MAD2L2: variants seen among roughly 807,000 people sequenced by gnomAD.
The protein encoded by MAD2L2 is mitotic spindle assembly checkpoint protein MAD2B.
A neutral mutation model predicts 30.5 loss-of-function variants in MAD2L2; 17 were observed. That is an observed-to-expected ratio of 0.56 (90% confidence interval 0.38 to 0.84). The LOEUF is 0.84. Among genes scored for constraint, MAD2L2 ranks in the 40% least tolerant of loss-of-function variants. MAD2L2 has a pLI of 0.00. For synonymous variants in MAD2L2, 101 were observed against 113.9 expected (o/e 0.89, Z 0.72); for missense variants, 213 against 277.4 (o/e 0.77, Z 1.65).
exon 1 of MAD2L2, chr1:11,691,599 G>A (rs940952649): frequency 1.3e-5 from 2 of 151,214 alleles, no homozygotes; most frequent in Admixed American, 6.6e-5. Flanking sequence ...CCCGGCCCCG[G>A]GGCTGCCCCT....
intron 4 of MAD2L2, 84 bp from the exon 5 acceptor site, chr1:11,677,032 G>A: frequency 9.2e-7 from 1 of 1,088,872 alleles, no homozygotes. Context: ...GCCCAAGGAA[G>A]GAGGAGAAAC....
rs964048027 is a variant in MAD2L2, at chr1:11,690,221, ATGT to A, written c.-692+1189_-692+1191del. ...TCCATGGGGGCAGGGATTCTTGTCC[ATGT>A]TGTTTACTACTGTACCTCCGGTGCC... On this transcript the variant is annotated intron_variant, in intron 1 of 10. Coordinates refer to the MAD2L2 transcript ENST00000235310. The surrounding 1 kb of genome is among the most constrained non-coding windows in gnomAD (Gnocchi z 4.2). Among the ~76,000 whole-genome samples, 32 of 152,132 alleles carry A rather than the reference ATGT, an allele frequency of 2.1e-4. No individual in the cohort carries two copies. The highest frequency in any genetic ancestry group is 7.0e-4 in the African/African-American group (29 of 41,500).
intron 3 of MAD2L2, among the ~76,000 whole-genome samples, chr1:11,680,055 G>A (rs1032540681): frequency 7.1e-6 from 1 of 140,840 alleles, no homozygotes; most frequent in African/African-American, 2.7e-5. Context: ...GAATGCAGTG[G>A]CACAATTTCG....
rs1334769401 is a variant in MAD2L2 at position 11,676,940 on chromosome 1, C to T, written c.240G>A (p.Val80=). ...CCAAAATCACCACCACCACTTTCTC[C>T]ACATCATTCTGCAAAGAGAGGAACC... The part of the protein sequence containing the change: ...CVKPLLEKND[V]EKVVVVILDK... The change falls in exon 5 of 9, where the codon GTG becomes GTA. Residue 80 remains valine (V), a synonymous_variant. Coordinates refer to ENST00000376692, the MANE Select transcript of MAD2L2 (RefSeq NM_006341.4). The T allele has an allele frequency of 6.2e-7, 1 of 1,613,854 alleles. No individual in the cohort carries two copies. Among genetic ancestry groups the T allele is most frequent in the South Asian group, 1.1e-5 (1 of 91,066 alleles).
chr1:11,677,546 C>T lies in MAD2L2; in HGVS notation c.228G>A (p.Glu76=), dbSNP rs746167583. The T allele has an allele frequency of 1.9e-6, 3 of 1,613,838 alleles. No individual in the cohort carries two copies. Among genetic ancestry groups the T allele is most frequent in the African/African-American group, 2.7e-5 (2 of 74,954 alleles). ...GGGGAGCCCAGTGCACCCTCACCTT[C>T]TCCAGGAGTGGCTTGACGCAGTGCA... ...DTLHCVKPLL[E]KNDVEKVVVV... The change falls in exon 4 of 9, where the codon GAG becomes GAA. Residue 76 remains glutamate (E), a synonymous_variant. Coordinates refer to ENST00000376692, the MANE Select transcript of MAD2L2 (RefSeq NM_006341.4).
chr1:11,691,119 C>T (rs1052017373), intron 1 of MAD2L2, among the ~76,000 whole-genome samples: 3 of 152,212 alleles, frequency 2.0e-5, no homozygotes, highest in African/African-American at 7.2e-5. Flanking sequence ...TGCGCACTTT[C>T]TGCGGCTACA....
upstream of MAD2L2, among the ~76,000 whole-genome samples, chr1:11,684,839 C>T (rs1398236540): frequency 1.3e-5 from 2 of 152,094 alleles, no homozygotes. Flanking sequence ...AGGGGCCCAT[C>T]CAGTTGCAAT....
intron 1 of MAD2L2, among the ~76,000 whole-genome samples, chr1:11,689,538 G>C (rs1641023812): frequency 1.3e-5 from 2 of 152,106 alleles, no homozygotes; most frequent in South Asian, 2.1e-4. Flanking sequence ...GGAGGTTGCA[G>C]TGAGCTGAGA....
At chr1:11,675,577 C>G in intron 7 of MAD2L2, 81 bp downstream of exon 7, 1 of 1,389,582 alleles carries the variant, frequency 7.2e-7, no homozygotes, top group Non-Finnish European at 1.0e-6. Context: ...TGGCTGGCCA[C>G]AGGCAGTGCC....
intron 7 of MAD2L2, 123 bp downstream of exon 7, chr1:11,675,535 G>A (rs1640748012): frequency 2.1e-6 from 2 of 945,100 alleles, no homozygotes. Flanking sequence ...GGACCTGCTG[G>A]GTGCCAGGCG....
chr1:11,689,756 A>G lies in MAD2L2; in HGVS notation c.-692+1657T>C, dbSNP rs1311665244. Among the ~76,000 whole-genome samples, 6 of 152,082 alleles carry G rather than the reference A, an allele frequency of 3.9e-5. No individual in the cohort carries two copies. In the South Asian group the frequency reaches 1.2e-3, roughly 32 times the overall value. On this transcript the variant is annotated intron_variant, in intron 1 of 10. Coordinates refer to the MAD2L2 transcript ENST00000235310. ...TTTTATTCCTCTACTGTCTTAATAA[A>G]CTTTTTACTCTATGGACTCGCCCTG...
rs1269566240 is a variant in MAD2L2 at position 11,676,091 on chromosome 1, G to A, written c.382C>T (p.Leu128=). ...HVEQLLRAFI[L]KISVCDAVLD... is the part of the protein sequence containing the mutation. Reference sequence around the variant, plus strand: ...ACGGCATCGCACACGCTGATCTTCAGGATGAAGGCCCGGAGCAGCTGCTCC... The same window carrying A: ...ACGGCATCGCACACGCTGATCTTCAAGATGAAGGCCCGGAGCAGCTGCTCC... The change falls in exon 6 of 9, where the codon CTG becomes TTG. Residue 128 remains leucine (L), a synonymous_variant. Transcript: ENST00000376692. The A allele has an allele frequency of 1.9e-6, 3 of 1,612,366 alleles. No individual in the cohort carries two copies. The highest frequency in any genetic ancestry group is 2.7e-5 in the African/African-American group (2 of 75,022).
In MAD2L2 at chr1:11,690,705, TC is replaced by T. The variant is rs1336111133; in HGVS notation, c.-692+707del. Among the ~76,000 whole-genome samples the T allele has an allele frequency of 6.6e-6, 1 of 152,078 alleles. No homozygotes were observed. On this transcript the variant is annotated intron_variant, in intron 1 of 10. Coordinates refer to the MAD2L2 transcript ENST00000235310. The surrounding 1 kb of genome is among the most constrained non-coding windows in gnomAD (Gnocchi z 4.2). ...ACATATGGGAGTCCGGCCCCATCGC[TC>T]TTTGATCTTTGCAGCGTCCGTGGCC...
upstream of MAD2L2, among the ~76,000 whole-genome samples, chr1:11,684,770 G>A (rs957020362): frequency 6.6e-6 from 1 of 152,114 alleles, no homozygotes; most frequent in Non-Finnish European, 1.5e-5. Flanking sequence ...ATGGGTATGG[G>A]GGACATACAG....
At chr1:11,680,832 C>T in intron 1 of MAD2L2, 3 of 1,257,306 alleles carry the variant, frequency 2.4e-6, no homozygotes, top group South Asian at 2.6e-5. Flanking sequence ...GCCCCCTCGC[C>T]CCGCTGTCTC....
At position 11,675,157 on chromosome 1, in the gene MAD2L2, C is replaced by T. The variant is rs1255492563; in HGVS notation, c.519G>A (p.Leu173=). The change falls in exon 8 of 9, where the codon CTG becomes CTA. Residue 173 remains leucine, a synonymous_variant. Coordinates refer to ENST00000376692, the MANE Select transcript of MAD2L2 (RefSeq NM_006341.4). Reference sequence around the variant, plus strand: ...GCATGTGGACATCCTGCTCATCCGCCAGGATCCAGGGGAAATCCTAGGGAG... The same window carrying T: ...GCATGTGGACATCCTGCTCATCCGCTAGGATCCAGGGGAAATCCTAGGGAG... ...IQVIKDFPWI[L]ADEQDVHMHD... is the part of the protein sequence containing the mutation. 3 of 1,601,020 alleles carry T rather than the reference C, an allele frequency of 1.9e-6. No homozygotes were observed. The African/African-American group carries it at 4.0e-5, about 22-fold the overall frequency.
chr1:11,681,403 GGCATTTCTCTC>G (rs1297131460), upstream of MAD2L2: 2 of 152,302 alleles, frequency 1.3e-5, no homozygotes, highest in Non-Finnish European at 2.9e-5. Flanking sequence ...TTCCCCCGAG[GGCATTTCTCTC>G]GCTTTAGCAG....
chr1:11,677,652 A>C (rs1180113276), intron 3 of MAD2L2, 38 bp from the exon 4 acceptor site: 2 of 1,569,090 alleles, frequency 1.3e-6, no homozygotes, highest in Non-Finnish European at 1.7e-6. Flanking sequence ...GGCCCAAAGC[A>C]CAGATGGGGA....
At position 11,680,413 on chromosome 1, in the gene MAD2L2, C is replaced by T; in HGVS notation, c.99G>A (p.Val33=). Residue 33 remains valine, a synonymous_variant, in exon 3 of 9, where the codon GTG becomes GTA. Transcript: ENST00000376692. ...LEVAVHLILY[V]REVYPVGIFQ... ...AGATGCCCACGGGGTAGACCTCGCG[C>T]ACGTAGAGGATGAGATGCACAGCCA... 6.2e-7 allele frequency: 1 copy of T among 1,613,932 alleles called. No homozygotes were observed. The highest frequency in any genetic ancestry group is 8.5e-7 in the Non-Finnish European group (1 of 1,179,956).
Sources: gnomAD v4.1 joint callset for allele counts (sites outside exome capture counted in the v4.1 genomes callset) on GRCh38, gnomAD v4.1.1 for gene constraint, Gnocchi (gnomAD v3.1) non-coding constraint, MANE v1.5 for transcripts, NCBI Gene and HGNC (gene_info 2026-07-23, HGNC 2026-07-21) for gene names.